Variants in SYT1 observed in about 807,000 individuals in gnomAD.
The protein encoded by SYT1 is synaptotagmin-1.
Under a neutral mutation model 44.8 loss-of-function variants are expected in SYT1, and 8 were observed. The ratio of observed to expected loss-of-function variants is 0.18; its 90% CI spans 0.10 to 0.32. SYT1 has a LOEUF of 0.32. Ranked by LOEUF, SYT1 falls within the 10% of genes least tolerant of loss-of-function variation. The pLI is 1.00. For missense variants in SYT1, 286 were observed against 509.3 expected (o/e 0.56, Z 4.22); for synonymous variants, 154 against 188.8 (o/e 0.82, Z 1.51).
intron 3 of SYT1, among the ~76,000 whole-genome samples, chr12:79,200,295 A>G (rs1873705234): frequency 6.6e-6 from 1 of 152,278 alleles, no homozygotes; most frequent in African/African-American, 2.4e-5. Flanking sequence ...CATTTTCCCC[A>G]GCTGGCCCTT....
intron 3 of SYT1, among the ~76,000 whole-genome samples, chr12:79,068,572 G>T (rs1876037095): frequency 6.6e-6 from 1 of 152,088 alleles, no homozygotes; most frequent in Non-Finnish European, 1.5e-5. Context: ...AATTCTTACA[G>T]ATATCACCCA....
chr12:79,114,519 C>T (rs928631716), intron 3 of SYT1, among the ~76,000 whole-genome samples: 1 of 151,614 alleles, frequency 6.6e-6, no homozygotes, highest in African/African-American at 2.4e-5. Context: ...CCCAGAGTTG[C>T]AAAGGGTGAC....
At chr12:78,914,394 G>C (rs1356170988) in intron 1 of SYT1, among the ~76,000 whole-genome samples, 1 of 151,860 alleles carries the variant, frequency 6.6e-6, no homozygotes, top group Non-Finnish European at 1.5e-5. Context: ...TCTGATAACA[G>C]TCTATGGCCT....
At chr12:79,016,610 C>T (rs1234847575) in intron 2 of SYT1, among the ~76,000 whole-genome samples, 1 of 152,056 alleles carries the variant, frequency 6.6e-6, no homozygotes, top group Non-Finnish European at 1.5e-5. Flanking sequence ...AGGGGAAAAA[C>T]TCAATTACAA....
At chr12:79,363,301 C>G (rs958306506) in intron 9 of SYT1, among the ~76,000 whole-genome samples, 22 of 152,038 alleles carry the variant, frequency 1.4e-4, no homozygotes, top group Admixed American at 1.4e-3. Flanking sequence ...TGCTATTCCC[C>G]CTTCCTTTTA....
chr12:79,436,958 G>A (rs1593066456), intron 9 of SYT1, among the ~76,000 whole-genome samples: 1 of 152,158 alleles, frequency 6.6e-6, no homozygotes, highest in South Asian at 2.1e-4. Context: ...TTTGTCTGAA[G>A]GTTCAGACTG....
At chr12:79,268,777 A>G (rs1323728976) in intron 4 of SYT1, among the ~76,000 whole-genome samples, 1 of 152,204 alleles carries the variant, frequency 6.6e-6, no homozygotes, top group East Asian at 1.9e-4. Context: ...ACATGAATTT[A>G]CTACAAGGAA....
At chr12:79,030,011 GT>G (rs1872740632) in intron 2 of SYT1, among the ~76,000 whole-genome samples, 1 of 150,894 alleles carries the variant, frequency 6.6e-6, no homozygotes, top group South Asian at 2.1e-4. Context: ...AGTCAATCAT[GT>G]TTTCTCTTCA....
chr12:78,876,470 T>G (rs1045187523), intron 1 of SYT1, among the ~76,000 whole-genome samples: 2 of 144,724 alleles, frequency 1.4e-5, no homozygotes, highest in African/African-American at 2.6e-5. Flanking sequence ...GGTGTTTTTT[T>G]TTTTTTTTTT....
chr12:79,086,472 A>G (rs1291846906), intron 3 of SYT1, among the ~76,000 whole-genome samples: 1 of 152,208 alleles, frequency 6.6e-6, no homozygotes, highest in African/African-American at 2.4e-5. Context: ...TTGAACTAAT[A>G]GCATTTTTGT....
chr12:79,046,395 T>C (rs943331589), intron 2 of SYT1: 6 of 152,188 alleles, frequency 3.9e-5, no homozygotes, highest in Non-Finnish European at 8.8e-5. Flanking sequence ...TCTTTCCTCA[T>C]TTTCATGATA....
At chr12:79,182,675 A>T (rs1385880553) in intron 3 of SYT1, among the ~76,000 whole-genome samples, 3 of 152,096 alleles carry the variant, frequency 2.0e-5, no homozygotes, top group Admixed American at 2.0e-4. Context: ...GAAAGCAGAG[A>T]TCTGAACTAT....
chr12:79,126,211 C>T (rs973978166), intron 3 of SYT1, among the ~76,000 whole-genome samples: 1 of 152,062 alleles, frequency 6.6e-6, no homozygotes, highest in Admixed American at 6.6e-5. Context: ...AGTATGTAAC[C>T]CATATATATG....
chr12:79,178,874 G>A (rs1353820519), intron 3 of SYT1, among the ~76,000 whole-genome samples: 1 of 147,614 alleles, frequency 6.8e-6, no homozygotes, highest in Non-Finnish European at 1.5e-5. Flanking sequence ...TCAGCCTCCT[G>A]AGTAGCTGGG....
chr12:78,873,019 A>G (rs1159383476), intron 1 of SYT1, among the ~76,000 whole-genome samples: 1 of 151,672 alleles, frequency 6.6e-6, no homozygotes, highest in Admixed American at 6.6e-5. Flanking sequence ...TTTATTTTCT[A>G]TTTTGCCATT....
intron 4 of SYT1, among the ~76,000 whole-genome samples, chr12:79,284,533 A>G (rs575223058): frequency 6.6e-6 from 1 of 152,118 alleles, no homozygotes; most frequent in South Asian, 2.1e-4. Context: ...TGCCTTGACT[A>G]TAAAGAAATG....
chr12:79,372,687 G>T (rs1419774408), intron 9 of SYT1, among the ~76,000 whole-genome samples: 2 of 152,116 alleles, frequency 1.3e-5, no homozygotes, highest in East Asian at 3.9e-4. Flanking sequence ...TTATACAGGA[G>T]GATTCCCCAA....
chr12:79,271,216 C>T (rs139460424), intron 4 of SYT1, among the ~76,000 whole-genome samples: 311 of 152,226 alleles, frequency 2.0e-3, no homozygotes, highest in Non-Finnish European at 3.3e-3. Context: ...ATATTTGGAG[C>T]ATTTACTTTT....
At chr12:79,179,261 GAT>G (rs1328888713) in intron 3 of SYT1, among the ~76,000 whole-genome samples, 8 of 84,782 alleles carry the variant, frequency 9.4e-5, no homozygotes, top group Non-Finnish European at 1.6e-4. Context: ...TATAGATATA[GAT>G]ATATAGATAT....
Sources: allele counts gnomAD v4.1 joint callset (sites outside exome capture counted in the v4.1 genomes callset), GRCh38; gene constraint gnomAD v4.1.1; transcripts MANE v1.5; gene names NCBI Gene and HGNC (gene_info 2026-07-23, HGNC 2026-07-21).